The following PTPRD variants were observed in gnomAD, a reference collection of about 807,000 sequenced individuals.
PTPRD encodes protein tyrosine phosphatase receptor type D.
PTPRD carries 34 observed loss-of-function variants against 214.5 expected under a neutral mutation model. That is an observed-to-expected ratio of 0.16 (90% confidence interval 0.12 to 0.21). The LOEUF (loss-of-function observed/expected upper bound fraction) is 0.21, where lower values mean the gene tolerates loss of function less well. Ranked by LOEUF, PTPRD falls within the 10% of genes least tolerant of loss-of-function variation. The pLI is 1.00. For synonymous variants in PTPRD, 1,128 were observed against 845.7 expected, an observed-to-expected ratio of 1.33 and a Z score of -5.79; for missense variants, 2,545 against 2,398.7, an observed-to-expected ratio of 1.06 and a Z score of -1.27.
chr9:9,542,317 C>A (rs1245944362), intron 8 of PTPRD, among the ~76,000 whole-genome samples: 1 of 151,400 alleles, frequency 6.6e-6, no homozygotes, highest in African/African-American at 2.4e-5. Context: ...TCACTTAATG[C>A]CAAAAAAGAT....
chr9:10,374,871 T>G (rs1020495604), intron 2 of PTPRD, among the ~76,000 whole-genome samples: 2 of 152,070 alleles, frequency 1.3e-5, no homozygotes, highest in African/African-American at 4.8e-5. Context: ...AAACAGTCAT[T>G]AAAAATTTCA....
intron 9 of PTPRD, among the ~76,000 whole-genome samples, chr9:9,361,409 T>C (rs2056101737): frequency 6.6e-6 from 1 of 151,110 alleles, no homozygotes; most frequent in South Asian, 2.1e-4. Flanking sequence ...TATCTTAGTG[T>C]CCTATATTTT....
At chr9:9,763,937 C>A (rs2098684542) in intron 6 of PTPRD, among the ~76,000 whole-genome samples, 1 of 151,988 alleles carries the variant, frequency 6.6e-6, no homozygotes, top group Admixed American at 6.6e-5. Flanking sequence ...GATATTTGGC[C>A]AATTCCTCAT....
intron 10 of PTPRD, among the ~76,000 whole-genome samples, chr9:9,063,271 C>T (rs1354306226): frequency 6.6e-6 from 1 of 152,112 alleles, no homozygotes; most frequent in Non-Finnish European, 1.5e-5. Context: ...CCAGTACTAA[C>T]ATTCTGTAAT....
chr9:10,549,610 A>T (rs755812773), intron 2 of PTPRD, among the ~76,000 whole-genome samples: 3 of 152,084 alleles, frequency 2.0e-5, no homozygotes, highest in Non-Finnish European at 4.4e-5. Flanking sequence ...TAGACCCCTG[A>T]GGGCCATGTC....
At chr9:9,587,299 G>C (rs1592275473) in intron 7 of PTPRD, among the ~76,000 whole-genome samples, 1 of 151,924 alleles carries the variant, frequency 6.6e-6, no homozygotes, top group East Asian at 1.9e-4. Context: ...ATGTGTTTTA[G>C]GGTTTTTAAT....
chr9:9,840,731 C>G (rs1006394336), intron 5 of PTPRD, among the ~76,000 whole-genome samples: 20 of 116,846 alleles, frequency 1.7e-4, no homozygotes, highest in African/African-American at 6.1e-4. Flanking sequence ...CCACTGCACT[C>G]CAGCCTGGCG....
chr9:9,520,671 C>A (rs916901326), intron 8 of PTPRD, among the ~76,000 whole-genome samples: 2 of 152,162 alleles, frequency 1.3e-5, no homozygotes, highest in Non-Finnish European at 2.9e-5. Context: ...CATGGTCTAT[C>A]TTGAAAGTAA....
At chr9:8,549,924 T>C (rs1195236913) in intron 14 of PTPRD, among the ~76,000 whole-genome samples, 1 of 152,162 alleles carries the variant, frequency 6.6e-6, no homozygotes, top group Non-Finnish European at 1.5e-5. Context: ...TATTCAGATC[T>C]CCATTCATAT....
chr9:8,450,567 A>G (rs537630630), intron 33 of PTPRD, among the ~76,000 whole-genome samples: 6 of 152,164 alleles, frequency 3.9e-5, no homozygotes, highest in Non-Finnish European at 7.4e-5. Context: ...GCTCCTGATA[A>G]TCATTCAAGG....
chr9:10,134,572 T>C (rs2098928250), intron 3 of PTPRD, among the ~76,000 whole-genome samples: 1 of 152,048 alleles, frequency 6.6e-6, no homozygotes, highest in Non-Finnish European at 1.5e-5. Flanking sequence ...ATCTGTGAAA[T>C]CCAATGCAGG....
At chr9:8,743,639 C>G (rs187578228) in intron 11 of PTPRD, among the ~76,000 whole-genome samples, 36 of 152,054 alleles carry the variant, frequency 2.4e-4, no homozygotes, top group Admixed American at 2.4e-3. Flanking sequence ...GACCCAAAAC[C>G]GTAACAATTC....
At chr9:9,659,940 T>A (rs990438253) in intron 7 of PTPRD, among the ~76,000 whole-genome samples, 1 of 152,080 alleles carries the variant, frequency 6.6e-6, no homozygotes, top group Non-Finnish European at 1.5e-5. Flanking sequence ...AAATATACAG[T>A]GCTCATGATT....
chr9:8,346,777 A>G (rs1464751659), intron 39 of PTPRD, among the ~76,000 whole-genome samples: 1 of 152,140 alleles, frequency 6.6e-6, no homozygotes, highest in Non-Finnish European at 1.5e-5. Context: ...TTAAGTGAAA[A>G]GGTGAAAGTT....
chr9:8,689,008 A>C (rs1454567854), intron 12 of PTPRD, among the ~76,000 whole-genome samples: 2 of 152,192 alleles, frequency 1.3e-5, no homozygotes, highest in Non-Finnish European at 2.9e-5. Context: ...ATACAGGGGC[A>C]AAAAAGAGGC....
chr9:8,745,778 T>C (rs2092724089), intron 11 of PTPRD, among the ~76,000 whole-genome samples: 2 of 132,730 alleles, frequency 1.5e-5, no homozygotes, highest in African/African-American at 5.7e-5. Context: ...TTCTATTTTA[T>C]GGAGTTTCTC....
chr9:9,502,603 A>G (rs953137986), intron 8 of PTPRD, among the ~76,000 whole-genome samples: 1 of 151,972 alleles, frequency 6.6e-6, no homozygotes, highest in Admixed American at 6.6e-5. Flanking sequence ...CAAGAGAAAT[A>G]AAAACATTTG....
At chr9:9,907,208 G>A (rs986886960) in intron 5 of PTPRD, among the ~76,000 whole-genome samples, 1 of 151,704 alleles carries the variant, frequency 6.6e-6, no homozygotes, top group African/African-American at 2.4e-5. Flanking sequence ...TAGGTCATGT[G>A]CAATTGTCAT....
chr9:10,492,574 T>G (rs2040672453), intron 2 of PTPRD, among the ~76,000 whole-genome samples: 1 of 152,198 alleles, frequency 6.6e-6, no homozygotes, highest in South Asian at 2.1e-4. Context: ...GTCTTTTTCT[T>G]GTAAATTTGT....
Sources: gnomAD v4.1 joint callset for allele counts (sites outside exome capture counted in the v4.1 genomes callset) on GRCh38, gnomAD v4.1.1 for gene constraint, MANE v1.5 for transcripts, NCBI Gene and HGNC (gene_info 2026-07-23, HGNC 2026-07-21) for gene names.